PCSK5: variants seen among roughly 807,000 people sequenced by gnomAD.
PCSK5 encodes prohormone convertase 5.
A neutral mutation model predicts 233.2 loss-of-function variants in PCSK5; 129 were observed. That is an observed-to-expected ratio of 0.55 (90% confidence interval 0.48 to 0.64). The LOEUF (loss-of-function observed/expected upper bound fraction) is 0.64, where lower values mean the gene tolerates loss of function less well. Among genes scored for constraint, PCSK5 ranks in the 30% least tolerant of loss-of-function variants. The pLI is 0.00. For synonymous variants in PCSK5, 825 were observed against 879.2 expected (o/e 0.94, Z 1.09); for missense variants, 2,076 against 2,430.1 (o/e 0.85, Z 3.06).
intron 1 of PCSK5, among the ~76,000 whole-genome samples, chr9:75,905,853 T>C (rs1219234305): frequency 6.6e-6 from 1 of 152,056 alleles, no homozygotes; most frequent in East Asian, 1.9e-4. Flanking sequence ...CATTGCCCCC[T>C]CCCCTGTCCA....
At chr9:75,983,708 C>A (rs773149433) in intron 2 of PCSK5, among the ~76,000 whole-genome samples, 2 of 152,194 alleles carry the variant, frequency 1.3e-5, no homozygotes, top group African/African-American at 4.8e-5. Flanking sequence ...TTCTCTTAGG[C>A]TGACCATAGT....
At chr9:76,083,412 T>C (rs918623234) in intron 7 of PCSK5, among the ~76,000 whole-genome samples, 1 of 152,178 alleles carries the variant, frequency 6.6e-6, no homozygotes, top group African/African-American at 2.4e-5. Flanking sequence ...TTGAGTTTCT[T>C]CGGCTTTAGT....
intron 2 of PCSK5, among the ~76,000 whole-genome samples, chr9:75,968,579 C>G (rs980311629): frequency 3.3e-5 from 5 of 152,200 alleles, no homozygotes; most frequent in Non-Finnish European, 7.3e-5. Flanking sequence ...AAGATGCCCT[C>G]ACCTAGAAGG....
chr9:75,908,927 CTATCTCTCTCTCTG>C (rs1564074872), intron 1 of PCSK5, among the ~76,000 whole-genome samples: 10 of 104,262 alleles, frequency 9.6e-5, no homozygotes, highest in African/African-American at 3.3e-4. Flanking sequence ...ATCTATCTCT[CTATCTCTCTCTCTG>C]TCTATCTATC....
In PCSK5 at chr9:76,358,797, G is replaced by C; in HGVS notation, c.5539G>C (p.Asp1847His). The change falls in exon 38 of 38, where the codon GAT (aspartate) becomes CAT (histidine). Residue 1847 changes from aspartate (D) to histidine (H), a missense_variant. Around this residue, in one of 6 missense-constraint regions of PCSK5, gnomAD observed 1,510 missense variants for 1,538.1 expected, o/e 0.98. Transcript: ENST00000674117. ...YRDRDYDEDD[D>H]DDIVYMGQDG... ...GGATCGGGACTATGATGAGGATGATGATGATGACATCGTCTACATGGGCCA... is the reference window on the plus strand; with the variant it reads ...GGATCGGGACTATGATGAGGATGATCATGATGACATCGTCTACATGGGCCA... 6.2e-7 allele frequency: 1 copy of C among 1,612,940 alleles called. No individual in the cohort carries two copies. Among genetic ancestry groups the C allele is most frequent in the Non-Finnish European group, 8.5e-7 (1 of 1,179,892 alleles).
At chr9:76,146,917 GCTA>G (rs1332670525) in intron 10 of PCSK5, among the ~76,000 whole-genome samples, 1 of 152,068 alleles carries the variant, frequency 6.6e-6, no homozygotes, top group African/African-American at 2.4e-5. Flanking sequence ...GATTTTATTA[GCTA>G]CTGTGTAATA....
At chr9:76,148,598 A>G (rs1823547703) in intron 10 of PCSK5, among the ~76,000 whole-genome samples, 1 of 152,044 alleles carries the variant, frequency 6.6e-6, no homozygotes, top group Non-Finnish European at 1.5e-5. Context: ...TCACAAAACA[A>G]CTTCTCCCCA....
chr9:76,218,928 G>T (rs542129607), intron 20 of PCSK5, among the ~76,000 whole-genome samples: 244 of 152,200 alleles, frequency 1.6e-3, no homozygotes, highest in African/African-American at 5.5e-3. Flanking sequence ...TAAATCATTG[G>T]GCAGCCCAAC....
chr9:76,248,214 T>C (rs1033801498), intron 24 of PCSK5, among the ~76,000 whole-genome samples: 1 of 152,212 alleles, frequency 6.6e-6, no homozygotes, highest in Admixed American at 6.5e-5. Flanking sequence ...ACAGGCATGA[T>C]CTACCGCACC....
At chr9:75,954,709 G>A (rs573250961) in intron 2 of PCSK5, among the ~76,000 whole-genome samples, 4 of 152,120 alleles carry the variant, frequency 2.6e-5, no homozygotes, top group Admixed American at 6.6e-5. Context: ...CACATACCCC[G>A]TGGAAGCCTC....
Position 76,326,930 on chromosome 9 carries a change from G to A in PCSK5, c.4340-1079G>A, listed in dbSNP as rs577469175. Among the ~76,000 whole-genome samples, 7 of 152,226 alleles carry A rather than the reference G, an allele frequency of 4.6e-5. No homozygotes were observed. The East Asian group carries it at 1.2e-3, about 25-fold the overall frequency. ...AGGAAGCAAACCATGCATGCCTCTGGGAGAAGAGAATTGCAGGCAGACAGA... is the reference window on the plus strand; with the variant it reads ...AGGAAGCAAACCATGCATGCCTCTGAGAGAAGAGAATTGCAGGCAGACAGA... On this transcript the variant is annotated intron_variant, in intron 32 of 37. Coordinates refer to ENST00000674117, the MANE Select transcript of PCSK5 (RefSeq NM_001372043.1).
intron 5 of PCSK5, among the ~76,000 whole-genome samples, chr9:76,043,117 C>T (rs1448597026): frequency 3.3e-5 from 5 of 152,164 alleles, no homozygotes; most frequent in East Asian, 3.9e-4. Flanking sequence ...GAGGCCGAGG[C>T]GGGCGGATCA....
At chr9:75,959,535 C>T (rs1405076727) in intron 2 of PCSK5, among the ~76,000 whole-genome samples, 27 of 152,158 alleles carry the variant, frequency 1.8e-4, no homozygotes, top group Non-Finnish European at 5.9e-5. Flanking sequence ...ATGAGCTGCT[C>T]ATGTAATTCG....
chr9:76,264,205 G>A (rs779279185), intron 24 of PCSK5, among the ~76,000 whole-genome samples: 1 of 152,098 alleles, frequency 6.6e-6, no homozygotes, highest in Non-Finnish European at 1.5e-5. Context: ...TAAGCAATGG[G>A]GAAAGCACTT....
Position 76,358,620 on chromosome 9 carries a change from G to A in PCSK5, c.5362G>A (p.Val1788Met). ...GCTGGTGCTTCTGCTCGGGGCAGCT[G>A]TGGTAGTGTGGAAGAAATCTCGTGG... ...MMLVLLLGAA[V>M]VVWKKSRGRV... The change falls in exon 38 of 38, where the codon GTG (valine) becomes ATG (methionine). Residue 1788 changes from valine (V) to methionine (M), a missense_variant. Coordinates refer to ENST00000674117, the MANE Select transcript of PCSK5 (RefSeq NM_001372043.1). 1 of 1,612,818 alleles carries A rather than the reference G, an allele frequency of 6.2e-7. No homozygotes were observed. Among genetic ancestry groups the A allele is most frequent in the Non-Finnish European group, 8.5e-7 (1 of 1,179,880 alleles).
chr9:76,310,462 A>G (rs1393239913), intron 29 of PCSK5, among the ~76,000 whole-genome samples, 194 bp from the exon 30 acceptor site: 1 of 152,144 alleles, frequency 6.6e-6, no homozygotes, highest in African/African-American at 2.4e-5. Flanking sequence ...GAAACAGGCA[A>G]AAGTCTCTTG....
At chr9:76,297,758 G>A (rs1302516492) in intron 27 of PCSK5, among the ~76,000 whole-genome samples, 9 of 152,198 alleles carry the variant, frequency 5.9e-5, no homozygotes, top group Admixed American at 3.3e-4. Flanking sequence ...CAAAGGCAAC[G>A]GCAGCCGAAG....
intron 7 of PCSK5, 55 bp downstream of exon 7, chr9:76,071,953 A>G (rs1480009021): frequency 7.3e-6 from 11 of 1,505,606 alleles, no homozygotes; most frequent in Non-Finnish European, 1.0e-5. Flanking sequence ...TGATTCTCAT[A>G]TGAAGAATCT....
At chr9:76,209,282 A>G (rs1206442749) in intron 20 of PCSK5, among the ~76,000 whole-genome samples, 3 of 152,312 alleles carry the variant, frequency 2.0e-5, no homozygotes, top group Middle Eastern at 3.4e-3. Flanking sequence ...ATTACATTCT[A>G]CTTGCAACCT....
Sources: gnomAD v4.1 joint callset for allele counts (sites outside exome capture counted in the v4.1 genomes callset) on GRCh38, gnomAD v4.1.1 for gene constraint, gnomAD v4.1.1 regional missense constraint, MANE v1.5 for transcripts, NCBI Gene and HGNC (gene_info 2026-07-23, HGNC 2026-07-21) for gene names.